The following TACC2 variants were observed in gnomAD, a reference collection of about 807,000 sequenced individuals.
TACC2 encodes transforming acidic coiled-coil-containing protein 2.
TACC2 carries 137 observed loss-of-function variants against 227.3 expected under a neutral mutation model. The observed-to-expected ratio is 0.60, with a 90% CI of 0.52 to 0.69. TACC2 has a LOEUF of 0.69. Among genes scored for constraint, TACC2 ranks in the 30% least tolerant of loss-of-function variants. The probability of loss-of-function intolerance (pLI) is 0.00; values close to 1 mark genes in which losing one functional copy is unlikely to be tolerated. For missense variants in TACC2, 3,470 were observed against 3,694.4 expected (o/e 0.94, Z 1.57); for synonymous variants, 1,523 against 1,487.5 (o/e 1.02, Z -0.55).
intron 3 of TACC2, among the ~76,000 whole-genome samples, chr10:122,054,783 G>C (rs1262670249): frequency 6.6e-6 from 1 of 152,172 alleles, no homozygotes; most frequent in East Asian, 1.9e-4. Context: ...CAGTGCTTAG[G>C]CTCCCAGGCA....
At chr10:122,190,048 T>C (rs1020382066) in intron 7 of TACC2, among the ~76,000 whole-genome samples, 12 of 152,246 alleles carry the variant, frequency 7.9e-5, no homozygotes, top group Admixed American at 2.0e-4. Flanking sequence ...TTTAATGATA[T>C]ACTGGGAACC....
chr10:122,076,614 T>C (rs1041097573), intron 3 of TACC2, among the ~76,000 whole-genome samples: 1 of 152,236 alleles, frequency 6.6e-6, no homozygotes, highest in South Asian at 2.1e-4. Context: ...AGTCACAAAT[T>C]ACTTGCAGTG....
At position 122,205,805 on chromosome 10, in the gene TACC2, C is replaced by T. The variant is rs958320685; in HGVS notation, c.5972-4592C>T. Among the ~76,000 whole-genome samples, 8 of 152,258 alleles carry T rather than the reference C, an allele frequency of 5.3e-5. No homozygotes were observed. The highest frequency in any genetic ancestry group is 2.1e-4 in the South Asian group (1 of 4,820). The stretch of plus-strand genomic sequence containing the variant: ...AATTTGGGAAATGTTGAATTCATCA[C>T]GGACTTGCTCTGAGCTACCCACAGC... On this transcript the variant is annotated intron_variant, in intron 8 of 22. Transcript: ENST00000369005. This position sits in a 1 kb window ranked among gnomAD's most constrained non-coding sequence, Gnocchi z 4.5.
At chr10:122,135,103 G>A (rs970766545) in intron 6 of TACC2, among the ~76,000 whole-genome samples, 3 of 152,174 alleles carry the variant, frequency 2.0e-5, no homozygotes, top group Admixed American at 6.5e-5. Context: ...GCAGACTGGG[G>A]CTCAGAGACG....
intron 9 of TACC2, chr10:122,213,212 A>G (rs2095332655): frequency 2.2e-6 from 2 of 897,742 alleles, no homozygotes; most frequent in African/African-American, 3.3e-5. Context: ...GCTCCTTCCA[A>G]AAAGCTGGGG....
Position 122,082,896 on chromosome 10 carries a change from T to C in TACC2, c.396T>C (p.Gly132=), listed in dbSNP as rs1370193834. 3 of 1,613,160 alleles carry C rather than the reference T, an allele frequency of 1.9e-6. No individual in the cohort carries two copies. The highest frequency in any genetic ancestry group is 2.2e-5 in the South Asian group (2 of 91,074). ...LASPAAAPED[G]PQTQSPRREP... The stretch of plus-strand genomic sequence containing the variant: ...GTCCAGCAGCGGCACCTGAAGATGG[T>C]CCTCAGACTCAGTCTCCCAGGAGGG... The change falls in exon 4 of 23, where the codon GGT becomes GGC. Residue 132 remains glycine, a synonymous_variant. Transcript: ENST00000369005.
At chr10:122,195,780 C>T (rs2094547704) in intron 8 of TACC2, among the ~76,000 whole-genome samples, 2 of 152,204 alleles carry the variant, frequency 1.3e-5, no homozygotes, top group African/African-American at 4.8e-5. Flanking sequence ...TTCTGCGCCT[C>T]CCAGTTACAC....
At chr10:122,233,102 T>C (rs764594646) in intron 16 of TACC2, among the ~76,000 whole-genome samples, 4 of 152,140 alleles carry the variant, frequency 2.6e-5, no homozygotes, top group Non-Finnish European at 4.4e-5. Context: ...GGTTTCTCCA[T>C]CTCAGTTAGA....
chr10:122,063,991 G>A (rs558455430), intron 3 of TACC2, among the ~76,000 whole-genome samples: 11 of 151,816 alleles, frequency 7.2e-5, no homozygotes, highest in South Asian at 2.1e-4. Flanking sequence ...GTGAAACCCC[G>A]TCTCTACTAA....
intron 2 of TACC2, chr10:122,033,135 A>G: frequency 3.1e-6 from 4 of 1,289,362 alleles, no homozygotes; most frequent in Non-Finnish European, 4.0e-6. Context: ...TGTGGCCTCC[A>G]AACCCTGAGC....
At position 122,216,788 on chromosome 10, in the gene TACC2, C is replaced by T; in HGVS notation, c.7506C>T (p.Ser2502=). The change falls in exon 11 of 23, where the codon TCC becomes TCT. Residue 2502 remains serine (S), a synonymous_variant. Transcript: ENST00000369005. ...KQDYPQPSDL[S]TFVNETKFSS... is the part of the protein sequence containing the mutation. ...ACTACCCGCAGCCCTCGGACCTGTC[C>T]ACCTTTGTAAACGAGACCAAATTCA... 1 of 1,614,098 alleles carries T rather than the reference C, an allele frequency of 6.2e-7. No individual in the cohort carries two copies. Among genetic ancestry groups the T allele is most frequent in the Non-Finnish European group, 8.5e-7 (1 of 1,180,016 alleles).
At chr10:122,024,195 C>G (rs1368661438) in intron 2 of TACC2, among the ~76,000 whole-genome samples, 1 of 151,972 alleles carries the variant, frequency 6.6e-6, no homozygotes, top group African/African-American at 2.4e-5. Flanking sequence ...TAGGGAGACC[C>G]CATCTCTACC....
At chr10:122,249,279 T>A in intron 21 of TACC2, 123 bp downstream of exon 21, 1 of 765,008 alleles carries the variant, frequency 1.3e-6, no homozygotes, top group African/African-American at 1.7e-5. Flanking sequence ...TCCAAGTGTG[T>A]GTTTCAATAA....
chr10:122,108,885 CACCACGCCTGGCT>C (rs1191162595), intron 5 of TACC2, among the ~76,000 whole-genome samples: 2 of 152,158 alleles, frequency 1.3e-5, no homozygotes, highest in Non-Finnish European at 2.9e-5. Context: ...AGGCACGCGC[CACCACGCCTGGCT>C]AATTTTTTGT....
chr10:122,117,812 C>T lies in TACC2; in HGVS notation c.5574-14797C>T, dbSNP rs997913832. On this transcript the variant is annotated intron_variant, in intron 5 of 22. Transcript: ENST00000369005. ...GGTTGGTTTCATATCATGACTGTTC[C>T]CCCAGTGGGGCACATTCTAAATTGA... is the stretch of plus-strand genomic sequence containing the variant. Among the ~76,000 whole-genome samples, 13 of 152,132 alleles carry T rather than the reference C, an allele frequency of 8.5e-5. No individual in the cohort carries two copies. The East Asian group carries it at 9.7e-4, about 11-fold the overall frequency.
chr10:122,032,066 C>T (rs956240858), intron 2 of TACC2, among the ~76,000 whole-genome samples: 2 of 152,122 alleles, frequency 1.3e-5, no homozygotes, highest in African/African-American at 4.8e-5. Flanking sequence ...GTCATGTACC[C>T]TCTCTGAAGT....
At chr10:121,995,998 C>T (rs548320522) in intron 1 of TACC2, among the ~76,000 whole-genome samples, 154 of 152,226 alleles carry the variant, frequency 1.0e-3, no homozygotes, top group Non-Finnish European at 1.7e-3. Flanking sequence ...GTGATCTGCC[C>T]GCCTTGGACT....
rs757749357 is a variant in TACC2, at chr10:122,087,471, G to A, written c.4971G>A (p.Gly1657=). The A allele has an allele frequency of 6.2e-7, 1 of 1,614,064 alleles. No homozygotes were observed. Among genetic ancestry groups the A allele is most frequent in the Non-Finnish European group, 8.5e-7 (1 of 1,180,042 alleles). Residue 1657 remains glycine (G), a synonymous_variant, in exon 4 of 23, where the codon GGG becomes GGA. Coordinates refer to ENST00000369005, the MANE Select transcript of TACC2 (RefSeq NM_206862.4). The part of the protein sequence containing the change: ...NSEPWTLDTL[G]GERRPGVTAG... ...AGCCCTGGACCCTTGACACGCTTGG[G>A]GGTGAAAGGAGACCCGGAGTCACTG...
chr10:122,026,160 T>TA (rs1491031621), intron 2 of TACC2, among the ~76,000 whole-genome samples: 2,017 of 97,732 alleles, frequency 0.021, 58 homozygotes, highest in African/African-American at 0.056. Context: ...CTACTAAAAA[T>TA]CCAAAAAAAA....
Sources: gnomAD v4.1 joint callset for allele counts (sites outside exome capture counted in the v4.1 genomes callset) on GRCh38, gnomAD v4.1.1 for gene constraint, Gnocchi (gnomAD v3.1) non-coding constraint, MANE v1.5 for transcripts, NCBI Gene and HGNC (gene_info 2026-07-23, HGNC 2026-07-21) for gene names.